LRRC4C: variants seen among roughly 807,000 people sequenced by gnomAD.
The protein encoded by LRRC4C is leucine-rich repeat-containing protein 4C.
In LRRC4C, 5 loss-of-function variants were observed where a neutral mutation model predicts 33.6. That is an observed-to-expected ratio of 0.15 (90% CI 0.08 to 0.31). LRRC4C has a LOEUF of 0.31. Among genes scored for constraint, LRRC4C ranks in the 10% least tolerant of loss-of-function variants. The pLI is 1.00. For synonymous variants in LRRC4C, 329 were observed against 302.0 expected, an observed-to-expected ratio of 1.09 and a Z score of -0.93; for missense variants, 560 against 796.7, an observed-to-expected ratio of 0.70 and a Z score of 3.58.
rs544915394 is a variant in LRRC4C, at chr11:40,616,775, G to A, written c.-270+31367C>T. ...GGTCCTGTTGTGGGGAGAGGGGAGCGGGCAGTGATAGCATTAGGAGATATA... is the reference window on the plus strand; with the variant it reads ...GGTCCTGTTGTGGGGAGAGGGGAGCAGGCAGTGATAGCATTAGGAGATATA... On this transcript the variant is annotated intron_variant, in intron 3 of 6. Coordinates refer to ENST00000528697, the MANE Select transcript of LRRC4C (RefSeq NM_001258419.2). Among the ~76,000 whole-genome samples the A allele has an allele frequency of 1.7e-3, 263 of 151,854 alleles. 3 individuals are homozygous for A. The highest frequency in any genetic ancestry group is 3.4e-3 in the Middle Eastern group (1 of 294).
chr11:40,503,506 C>T (rs1461374352), intron 3 of LRRC4C, among the ~76,000 whole-genome samples: 1 of 152,152 alleles, frequency 6.6e-6, no homozygotes, highest in African/African-American at 2.4e-5. Context: ...AGTAATTTCA[C>T]TATATTGTCT....
intron 1 of LRRC4C, among the ~76,000 whole-genome samples, chr11:41,302,568 C>T (rs1165724331): frequency 6.6e-6 from 1 of 151,968 alleles, no homozygotes; most frequent in Non-Finnish European, 1.5e-5. Flanking sequence ...GTAACATTTT[C>T]CGATAAATTG....
At chr11:40,903,654 C>A (rs1424783875) in intron 2 of LRRC4C, among the ~76,000 whole-genome samples, 1 of 152,032 alleles carries the variant, frequency 6.6e-6, no homozygotes, top group African/African-American at 2.4e-5. Flanking sequence ...TGATTTCAAA[C>A]CTTCTGGATG....
At chr11:40,557,079 A>G (rs1957360322) in intron 3 of LRRC4C, among the ~76,000 whole-genome samples, 1 of 152,136 alleles carries the variant, frequency 6.6e-6, no homozygotes, top group South Asian at 2.1e-4. Context: ...GATAAGATTT[A>G]TATATAGCAC....
At chr11:40,699,972 A>G (rs1945785568) in intron 2 of LRRC4C, among the ~76,000 whole-genome samples, 1 of 152,136 alleles carries the variant, frequency 6.6e-6, no homozygotes, top group African/African-American at 2.4e-5. Context: ...AGAGGAGAAA[A>G]AATGTGTTAT....
At chr11:40,244,098 G>C (rs929571171) in intron 4 of LRRC4C, among the ~76,000 whole-genome samples, 4 of 152,056 alleles carry the variant, frequency 2.6e-5, no homozygotes, top group Non-Finnish European at 5.9e-5. Context: ...GAACCTAGAA[G>C]TTTATAGTCT....
intron 1 of LRRC4C, among the ~76,000 whole-genome samples, chr11:41,155,326 G>T (rs1944179002): frequency 6.6e-6 from 1 of 152,116 alleles, no homozygotes; most frequent in South Asian, 2.1e-4. Context: ...TTCACTTGAA[G>T]TTCCCTTAGC....
intron 5 of LRRC4C, among the ~76,000 whole-genome samples, chr11:40,218,703 C>T (rs532131746): frequency 6.8e-6 from 1 of 146,164 alleles, no homozygotes; most frequent in Non-Finnish European, 1.5e-5. Flanking sequence ...ATCTATCTAT[C>T]TATCTATCTA....
chr11:40,378,797 C>A (rs945333166), intron 3 of LRRC4C, among the ~76,000 whole-genome samples: 3 of 152,066 alleles, frequency 2.0e-5, no homozygotes, highest in African/African-American at 7.2e-5. Flanking sequence ...TATACTATAA[C>A]TGTTTATAGA....
Position 40,542,575 on chromosome 11 carries a change from A to G in LRRC4C, c.-270+105567T>C, listed in dbSNP as rs116078225. ...ATAATAACAACCAGGACCACTTTTT[A>G]TAATAATTTCCTGGCTTGGGAGTTT... On this transcript the variant is annotated intron_variant, in intron 3 of 6. Transcript: ENST00000528697. Among the ~76,000 whole-genome samples, 1,383 of 152,194 alleles carry G rather than the reference A, an allele frequency of 9.1e-3. 29 individuals carry two copies. Among genetic ancestry groups the G allele is most frequent in the African/African-American group, 0.031 (1,291 of 41,542 alleles).
At chr11:40,401,266 G>C (rs1354186457) in intron 3 of LRRC4C, among the ~76,000 whole-genome samples, 2 of 151,064 alleles carry the variant, frequency 1.3e-5, no homozygotes, top group Admixed American at 1.3e-4. Flanking sequence ...TCCCTCTCTT[G>C]CAAACAGTAA....
At chr11:40,133,463 G>A (rs752999114) in intron 6 of LRRC4C, among the ~76,000 whole-genome samples, 27 of 152,264 alleles carry the variant, frequency 1.8e-4, no homozygotes, top group Non-Finnish European at 3.2e-4. Context: ...AACCCCAGGC[G>A]AAGCACTAAA....
chr11:40,932,055 A>C (rs1312562137), intron 2 of LRRC4C, among the ~76,000 whole-genome samples: 1 of 152,152 alleles, frequency 6.6e-6, no homozygotes, highest in Non-Finnish European at 1.5e-5. Flanking sequence ...AAGTGATGAG[A>C]CATATACAGT....
chr11:40,535,805 T>A (rs1956447458), intron 3 of LRRC4C, among the ~76,000 whole-genome samples: 1 of 152,220 alleles, frequency 6.6e-6, no homozygotes, highest in African/African-American at 2.4e-5. Flanking sequence ...TCTTACCAAA[T>A]GAGTTGAACT....
chr11:40,267,004 T>C (rs2136306112), intron 4 of LRRC4C, among the ~76,000 whole-genome samples: 2 of 128,714 alleles, frequency 1.6e-5, no homozygotes, highest in African/African-American at 2.9e-5. Flanking sequence ...AGGTCCAATT[T>C]AAAATTTAGC....
chr11:40,969,100 T>A (rs1225576424), intron 1 of LRRC4C, among the ~76,000 whole-genome samples: 1 of 151,770 alleles, frequency 6.6e-6, no homozygotes, highest in East Asian at 1.9e-4. Flanking sequence ...TTAACAGGAG[T>A]TTGGAAGAAG....
intron 3 of LRRC4C, among the ~76,000 whole-genome samples, chr11:40,591,211 G>A (rs1290011997): frequency 2.0e-5 from 3 of 152,158 alleles, no homozygotes; most frequent in Admixed American, 2.0e-4. Flanking sequence ...TCGGAAAAGC[G>A]CAGTATTCGG....
chr11:40,709,084 G>A (rs564623535), intron 2 of LRRC4C, among the ~76,000 whole-genome samples: 65 of 150,846 alleles, frequency 4.3e-4, no homozygotes, highest in Admixed American at 5.9e-4. Context: ...CCTTTATTTT[G>A]AGCCTATGTG....
intron 1 of LRRC4C, among the ~76,000 whole-genome samples, chr11:41,305,007 C>T (rs1950442670): frequency 1.1e-5 from 1 of 88,132 alleles, no homozygotes; most frequent in African/African-American, 4.3e-5. Flanking sequence ...AAGTGAGGAG[C>T]CCCTCTGCCC....
Sources: gnomAD v4.1 joint callset for allele counts (sites outside exome capture counted in the v4.1 genomes callset) on GRCh38, gnomAD v4.1.1 for gene constraint, MANE v1.5 for transcripts, NCBI Gene and HGNC (gene_info 2026-07-23, HGNC 2026-07-21) for gene names.